Variants in SEMA5A observed in about 807,000 individuals in gnomAD.
SEMA5A encodes the protein semaphorin-5A.
Under a neutral mutation model 135.5 loss-of-function variants are expected in SEMA5A, and 55 were observed. The ratio of observed to expected loss-of-function variants is 0.41; its 90% CI spans 0.33 to 0.51. SEMA5A has a LOEUF of 0.51. Ranked by LOEUF, SEMA5A falls within the 20% of genes least tolerant of loss-of-function variation. The pLI, the probability that SEMA5A is intolerant of heterozygous loss-of-function variation, is 0.37. For synonymous variants in SEMA5A, 580 were observed against 546.5 expected, an observed-to-expected ratio of 1.06 and a Z score of -0.85; for missense variants, 1,290 against 1,419.9, an observed-to-expected ratio of 0.91 and a Z score of 1.47.
intron 8 of SEMA5A, 143 bp from the exon 9 acceptor site, chr5:9,202,383 AG>A: frequency 2.3e-5 from 15 of 655,562 alleles, no homozygotes; most frequent in South Asian, 1.2e-4. Context: ...AGGCCCCGTG[AG>A]CAGCTTAATG....
chr5:9,106,212 T>C (rs1427011968), intron 16 of SEMA5A, among the ~76,000 whole-genome samples: 1 of 152,200 alleles, frequency 6.6e-6, no homozygotes, highest in Non-Finnish European at 1.5e-5. Context: ...AAAGTGACAA[T>C]AGTCTCTTTG....
At chr5:9,352,975 A>G (rs1754194233) in intron 3 of SEMA5A, among the ~76,000 whole-genome samples, 1 of 151,730 alleles carries the variant, frequency 6.6e-6, no homozygotes, top group Admixed American at 6.6e-5. Flanking sequence ...GGCTCAACAA[A>G]TATGTATTAC....
intron 2 of SEMA5A, among the ~76,000 whole-genome samples, chr5:9,384,699 G>GAT: frequency 7.1e-6 from 1 of 141,588 alleles, no homozygotes; most frequent in South Asian, 2.3e-4. Context: ...TAGATAGATA[G>GAT]ATAGATAGAT....
chr5:9,226,803 T>C, intron 7 of SEMA5A, 66 bp downstream of exon 7: 4 of 1,259,002 alleles, frequency 3.2e-6, no homozygotes, highest in Non-Finnish European at 4.6e-6. Context: ...TTAAAACTAG[T>C]ATTTTTACAC....
At chr5:9,229,306 G>C (rs1025734514) in intron 6 of SEMA5A, among the ~76,000 whole-genome samples, 6 of 152,300 alleles carry the variant, frequency 3.9e-5, no homozygotes, top group Non-Finnish European at 8.8e-5. Flanking sequence ...GAGGTGGGAG[G>C]CTTGTCTTGT....
intron 13 of SEMA5A, among the ~76,000 whole-genome samples, chr5:9,130,545 A>C (rs1357556836): frequency 6.6e-6 from 1 of 152,198 alleles, no homozygotes; most frequent in Non-Finnish European, 1.5e-5. Context: ...ATAGTTATCT[A>C]ATACCTCTGA....
At chr5:9,105,638 C>A (rs1465478001) in intron 16 of SEMA5A, among the ~76,000 whole-genome samples, 1 of 152,166 alleles carries the variant, frequency 6.6e-6, no homozygotes, top group Non-Finnish European at 1.5e-5. Context: ...CGGATGGCAC[C>A]CTCCTTGATA....
intron 6 of SEMA5A, 36 bp from the exon 7 acceptor site, chr5:9,227,003 A>G (rs1302809689): frequency 4.8e-6 from 5 of 1,042,168 alleles, no homozygotes; most frequent in Non-Finnish European, 6.4e-6. Context: ...AAAAATATAT[A>G]TATATATGTA....
intron 2 of SEMA5A, among the ~76,000 whole-genome samples, chr5:9,396,814 C>T (rs989947192): frequency 2.6e-5 from 4 of 152,270 alleles, no homozygotes; most frequent in African/African-American, 9.6e-5. Context: ...CATTATGAGC[C>T]TCCTGTTTAC....
chr5:9,483,659 C>T (rs1162623110), intron 1 of SEMA5A, among the ~76,000 whole-genome samples: 3 of 152,182 alleles, frequency 2.0e-5, no homozygotes, highest in African/African-American at 7.2e-5. Flanking sequence ...TTTTACTTCC[C>T]TTTTCTTCTC....
At position 9,055,444 on chromosome 5, in the gene SEMA5A, A is replaced by C. The variant is rs9942353; in HGVS notation, c.2519-1187T>G. On this transcript the variant is annotated intron_variant, in intron 18 of 22. Coordinates refer to ENST00000382496, the MANE Select transcript of SEMA5A (RefSeq NM_003966.3). ...CATTCTTTGTAGCCTACACAAAGAA[A>C]CAGGAGCAAGAGGATGCCAAAATCA... 5.7e-3 allele frequency among the ~76,000 whole-genome samples: 875 copies of C among 152,324 alleles called. 4 individuals are homozygous for C. Among genetic ancestry groups the C allele is most frequent in the African/African-American group, 0.02 (837 of 41,572 alleles).
chr5:9,507,775 C>T (rs1463135233), intron 1 of SEMA5A, among the ~76,000 whole-genome samples: 2 of 151,986 alleles, frequency 1.3e-5, no homozygotes, highest in African/African-American at 2.4e-5. Flanking sequence ...GAGGCCGAGG[C>T]GGGCGGATCA....
At chr5:9,494,722 A>G (rs1023838613) in intron 1 of SEMA5A, among the ~76,000 whole-genome samples, 5 of 152,162 alleles carry the variant, frequency 3.3e-5, no homozygotes, top group Non-Finnish European at 7.3e-5. Flanking sequence ...TTTAGATGAA[A>G]AAACACAGAT....
In SEMA5A at chr5:9,337,702, A is replaced by T; in HGVS notation, c.224+11T>A. The T allele has an allele frequency of 6.3e-7, 1 of 1,590,236 alleles. No individual in the cohort carries two copies. On this transcript the variant is annotated intron_variant, in intron 4 of 22. Transcript: ENST00000382496. ...AAAATATCTGTGGTGGCAAAATACA[A>T]TATCTCTCACCTTGCTCCTACAACA...
chr5:9,440,838 A>C (rs573563358), intron 1 of SEMA5A, among the ~76,000 whole-genome samples: 1 of 152,242 alleles, frequency 6.6e-6, no homozygotes, highest in Non-Finnish European at 1.5e-5. Context: ...TATCCTGCAG[A>C]TACATGGCAG....
chr5:9,083,647 C>T (rs1738519052), intron 16 of SEMA5A, among the ~76,000 whole-genome samples: 1 of 152,016 alleles, frequency 6.6e-6, no homozygotes, highest in South Asian at 2.1e-4. Context: ...TCAGTTATCA[C>T]TGTTGGAACA....
At chr5:9,063,492 G>T (rs182172721) in intron 17 of SEMA5A, among the ~76,000 whole-genome samples, 7 of 152,324 alleles carry the variant, frequency 4.6e-5, no homozygotes, top group African/African-American at 1.7e-4. Context: ...GGTAGAGCCT[G>T]CCCTCAAGGA....
rs183601959 is a variant in SEMA5A, at chr5:9,413,941, G to A, written c.-78+23815C>T. Among the ~76,000 whole-genome samples, 298 of 152,170 alleles carry A rather than the reference G, an allele frequency of 2.0e-3. 1 individual carries two copies. The highest frequency in any genetic ancestry group is 6.6e-3 in the African/African-American group (273 of 41,512). On this transcript the variant is annotated intron_variant, in intron 2 of 22. Coordinates refer to ENST00000382496, the MANE Select transcript of SEMA5A (RefSeq NM_003966.3). ...CACAAGCCAGGCATGTATCAAAATA[G>A]GTATATAAAATCTCTATAAAGTAAA...
chr5:9,526,235 TTTTCCATTTA>T (rs1483860490), intron 1 of SEMA5A, among the ~76,000 whole-genome samples: 1 of 152,212 alleles, frequency 6.6e-6, no homozygotes, highest in Non-Finnish European at 1.5e-5. Context: ...AGTTCTCCTC[TTTTCCATTTA>T]CTTCAATTAT....
Sources: allele counts gnomAD v4.1 joint callset (sites outside exome capture counted in the v4.1 genomes callset), GRCh38; gene constraint gnomAD v4.1.1; transcripts MANE v1.5; gene names NCBI Gene and HGNC (gene_info 2026-07-23, HGNC 2026-07-21).